Variants in MBD5 observed in about 807,000 individuals in gnomAD.
MBD5 encodes the protein methyl-CpG-binding domain protein 5.
A neutral mutation model predicts 117.3 loss-of-function variants in MBD5; 13 were observed. The observed-to-expected ratio is 0.11, with a 90% CI of 0.07 to 0.18. The LOEUF (loss-of-function observed/expected upper bound fraction) is 0.18, where lower values mean the gene tolerates loss of function less well. Among genes scored for constraint, MBD5 ranks in the 10% least tolerant of loss-of-function variants. MBD5 has a pLI of 1.00. For synonymous variants in MBD5, 727 were observed against 766.4 expected, an observed-to-expected ratio of 0.95 and a Z score of 0.85; for missense variants, 1,879 against 2,093.8, an observed-to-expected ratio of 0.90 and a Z score of 2.00.
At chr2:148,273,559 A>G (rs969324072) in intron 3 of MBD5, among the ~76,000 whole-genome samples, 7 of 151,832 alleles carry the variant, frequency 4.6e-5, no homozygotes, top group African/African-American at 1.5e-4. Context: ...TGACACCCCC[A>G]CCCTCAGGAA....
chr2:148,283,964 A>G (rs1574237767), intron 3 of MBD5, among the ~76,000 whole-genome samples: 1 of 152,064 alleles, frequency 6.6e-6, no homozygotes, highest in African/African-American at 2.4e-5. Context: ...GCTGCCACCT[A>G]CTTCTGGTCA....
intron 8 of MBD5, among the ~76,000 whole-genome samples, chr2:148,480,825 C>A (rs1681125659): frequency 6.6e-6 from 1 of 151,592 alleles, no homozygotes; most frequent in Admixed American, 6.6e-5. Flanking sequence ...TATATATTTT[C>A]AAAGAGGAGT....
chr2:148,035,096 A>T (rs12992412), intron 1 of MBD5, among the ~76,000 whole-genome samples: 55,466 of 151,862 alleles, frequency 0.37, 10,356 homozygotes, highest in East Asian at 0.52. Flanking sequence ...TGTTGTGGAC[A>T]TTCACTAAAT....
At chr2:148,470,558 C>T in intron 8 of MBD5, 97 bp downstream of exon 8, 1 of 957,424 alleles carries the variant, frequency 1.0e-6, no homozygotes, top group Non-Finnish European at 1.5e-6. Flanking sequence ...AGAAATGATC[C>T]TTTCCCCATT....
At chr2:148,206,706 G>A (rs1441694461) in intron 2 of MBD5, among the ~76,000 whole-genome samples, 1 of 152,020 alleles carries the variant, frequency 6.6e-6, no homozygotes, top group Non-Finnish European at 1.5e-5. Context: ...ATACAATAAA[G>A]TATCTTATAA....
intron 1 of MBD5, among the ~76,000 whole-genome samples, chr2:148,031,677 A>T (rs1225659575): frequency 6.6e-6 from 1 of 152,184 alleles, no homozygotes; most frequent in Non-Finnish European, 1.5e-5. Context: ...TGCACAAAAA[A>T]TAAGGAAATG....
chr2:148,043,496 C>A (rs144929354), intron 1 of MBD5, among the ~76,000 whole-genome samples: 195 of 116,058 alleles, frequency 1.7e-3, no homozygotes, highest in African/African-American at 5.7e-3. Context: ...AAAGAATAGA[C>A]TTTCTAGTTA....
intron 1 of MBD5, among the ~76,000 whole-genome samples, chr2:148,163,786 C>A (rs929740089): frequency 4.6e-5 from 7 of 151,992 alleles, no homozygotes; most frequent in Non-Finnish European, 5.9e-5. Context: ...AATAAATGTT[C>A]ATTTTTTTCA....
intron 2 of MBD5, among the ~76,000 whole-genome samples, chr2:148,212,314 T>C (rs1699442890): frequency 6.6e-6 from 1 of 152,212 alleles, no homozygotes; most frequent in Non-Finnish European, 1.5e-5. Context: ...GGATGTTTCA[T>C]TTAAGTGGAA....
intron 4 of MBD5, among the ~76,000 whole-genome samples, chr2:148,361,348 T>G (rs1249233285): frequency 6.8e-6 from 1 of 147,786 alleles, no homozygotes; most frequent in Non-Finnish European, 1.5e-5. Flanking sequence ...AGACTCTGTC[T>G]CAAAAACACA....
At chr2:148,428,468 G>A (rs1296978604) in intron 4 of MBD5, among the ~76,000 whole-genome samples, 1 of 151,940 alleles carries the variant, frequency 6.6e-6, no homozygotes, top group Non-Finnish European at 1.5e-5. Context: ...CTACCATTGA[G>A]TTTCTTCAAA....
At chr2:148,270,923 C>G (rs1700971161) in intron 3 of MBD5, among the ~76,000 whole-genome samples, 1 of 151,998 alleles carries the variant, frequency 6.6e-6, no homozygotes, top group African/African-American at 2.4e-5. Context: ...ACAGATAGCC[C>G]TTTATTCCTT....
At chr2:148,039,898 T>C (rs1163732472) in intron 1 of MBD5, among the ~76,000 whole-genome samples, 1 of 152,154 alleles carries the variant, frequency 6.6e-6, no homozygotes, top group Non-Finnish European at 1.5e-5. Context: ...TGGGCACATA[T>C]TCCTGCTTCT....
intron 2 of MBD5, among the ~76,000 whole-genome samples, chr2:148,180,360 A>ATATATATATATATG (rs1233664521): frequency 1.4e-4 from 17 of 118,766 alleles, no homozygotes; most frequent in Admixed American, 1.2e-3. Flanking sequence ...ATATATATAT[A>ATATATATATATATG]TGTATATATG....
chr2:148,310,706 TCTTA>T (rs1161505912), intron 3 of MBD5, among the ~76,000 whole-genome samples: 1 of 152,184 alleles, frequency 6.6e-6, no homozygotes, highest in Non-Finnish European at 1.5e-5. Context: ...ATTTGTTTGC[TCTTA>T]CTTCTTAGTT....
chr2:148,503,235 C>T (rs904706066), intron 12 of MBD5, among the ~76,000 whole-genome samples: 6 of 152,102 alleles, frequency 3.9e-5, no homozygotes, highest in African/African-American at 1.4e-4. Context: ...GTTCAGTTGC[C>T]ATACTAATTT....
intron 1 of MBD5, among the ~76,000 whole-genome samples, chr2:148,067,187 A>G (rs971841234): frequency 6.6e-6 from 1 of 152,236 alleles, no homozygotes; most frequent in Admixed American, 6.5e-5. Flanking sequence ...CTGAATGTTC[A>G]TCAATTCAGC....
At chr2:148,430,313 A>G (rs1705943516) in intron 4 of MBD5, among the ~76,000 whole-genome samples, 1 of 152,148 alleles carries the variant, frequency 6.6e-6, no homozygotes, top group South Asian at 2.1e-4. Context: ...AACTGTCACT[A>G]AGTCTCACAG....
intron 3 of MBD5, among the ~76,000 whole-genome samples, chr2:148,284,926 A>G (rs147156096): frequency 5.5e-4 from 83 of 152,286 alleles, no homozygotes; most frequent in Non-Finnish European, 9.1e-4. Context: ...AATCTCCCCA[A>G]CAATATATGA....
Sources: gnomAD v4.1 joint callset for allele counts (sites outside exome capture counted in the v4.1 genomes callset) on GRCh38, gnomAD v4.1.1 for gene constraint, MANE v1.5 for transcripts, NCBI Gene and HGNC (gene_info 2026-07-23, HGNC 2026-07-21) for gene names.